The following LCP1 variants were observed in gnomAD, a reference collection of about 807,000 sequenced individuals.
LCP1 encodes the protein lymphocyte cytosolic protein 1, also known as plastin-2.
In LCP1, 23 loss-of-function variants were observed where a neutral mutation model predicts 72.0. The ratio of observed to expected loss-of-function variants is 0.32; its 90% CI spans 0.23 to 0.45. The LOEUF is 0.45. Ranked by LOEUF, LCP1 falls within the 20% of genes least tolerant of loss-of-function variation. The probability of loss-of-function intolerance (pLI) is 1.00; values close to 1 mark genes in which losing one functional copy is unlikely to be tolerated. For missense variants in LCP1, 571 were observed against 748.3 expected, an observed-to-expected ratio of 0.76 and a Z score of 2.76; for synonymous variants, 245 against 275.4, an observed-to-expected ratio of 0.89 and a Z score of 1.09.
At chr13:46,181,805 A>T (rs2045957292) in intron 1 of LCP1, among the ~76,000 whole-genome samples, 1 of 152,268 alleles carries the variant, frequency 6.6e-6, no homozygotes, top group Non-Finnish European at 1.5e-5. Flanking sequence ...AAATAGAGCA[A>T]TAGAAATAAA....
At chr13:46,142,104 C>A (rs1008120008) in intron 13 of LCP1, among the ~76,000 whole-genome samples, 188 bp downstream of exon 13, 1 of 150,432 alleles carries the variant, frequency 6.6e-6, no homozygotes. Context: ...CAGAGTTTCA[C>A]GATACTTGAA....
chr13:46,150,993 A>T lies in LCP1; in HGVS notation c.825T>A (p.Asn275Lys). ...TGCAGCCTGCATTTTCCAGGTGGTA[A>T]TTAGCCCACCTCAGCAAGAGCTCTT... ...SPEELLLRWA[N>K]YHLENAGCNK... Residue 275 changes from asparagine (N) to lysine (K), a missense_variant, in exon 8 of 16, where the codon AAT becomes AAA. Transcript: ENST00000323076. 6.2e-7 allele frequency: 1 copy of T among 1,613,918 alleles called. No individual in the cohort carries two copies. Among genetic ancestry groups the T allele is most frequent in the South Asian group, 1.1e-5 (1 of 91,072 alleles).
chr13:46,147,424 C>G (rs2045737671), intron 9 of LCP1, among the ~76,000 whole-genome samples: 2 of 152,102 alleles, frequency 1.3e-5, no homozygotes. Context: ...TAATTATTTC[C>G]AACCATTAAG....
chr13:46,154,686 A>C (rs2045789491), intron 6 of LCP1, 119 bp downstream of exon 6: 1 of 746,662 alleles, frequency 1.3e-6, no homozygotes. Flanking sequence ...ACAAGTCACC[A>C]GCCCAAAGCC....
intron 7 of LCP1, among the ~76,000 whole-genome samples, chr13:46,152,419 A>G (rs1188963542): frequency 6.6e-6 from 1 of 152,208 alleles, no homozygotes; most frequent in African/African-American, 2.4e-5. Flanking sequence ...TCACTATAGT[A>G]TATGAATGTG....
At chr13:46,172,705 T>G (rs541655827) in intron 1 of LCP1, among the ~76,000 whole-genome samples, 1 of 152,140 alleles carries the variant, frequency 6.6e-6, no homozygotes, top group Non-Finnish European at 1.5e-5. Context: ...CAGGCTATAC[T>G]CCACTCACCA....
At chr13:46,163,536 A>G (rs1253467843) in intron 1 of LCP1, among the ~76,000 whole-genome samples, 1 of 148,970 alleles carries the variant, frequency 6.7e-6, no homozygotes, top group Non-Finnish European at 1.5e-5. Context: ...AAAACCAGAC[A>G]CCTTTGTTCA....
chr13:46,175,734 A>G (rs576968411), intron 1 of LCP1, among the ~76,000 whole-genome samples: 35 of 152,326 alleles, frequency 2.3e-4, no homozygotes, highest in African/African-American at 7.2e-4. Flanking sequence ...AAAGTTTTCC[A>G]AGGTGCCTAC....
At chr13:46,159,508 AT>A in intron 2 of LCP1, 90 bp downstream of exon 2, 1 of 1,021,544 alleles carries the variant, frequency 9.8e-7, no homozygotes. Context: ...CATCTCTGAA[AT>A]TTTGCTCATG....
intron 1 of LCP1, 74 bp from the exon 2 acceptor site, chr13:46,159,760 C>G: frequency 1.2e-6 from 1 of 821,864 alleles, no homozygotes; most frequent in Non-Finnish European, 2.1e-6. Flanking sequence ...AGAAGCAATT[C>G]CCATTTATTA....
chr13:46,161,314 T>C (rs1268075017), intron 1 of LCP1, among the ~76,000 whole-genome samples: 2 of 152,250 alleles, frequency 1.3e-5, no homozygotes, highest in East Asian at 3.8e-4. Flanking sequence ...GAATTATATA[T>C]GTCTTCATTT....
At chr13:46,144,822 A>G (rs1199767779) in intron 10 of LCP1, among the ~76,000 whole-genome samples, 2 of 152,202 alleles carry the variant, frequency 1.3e-5, no homozygotes, top group Admixed American at 6.5e-5. Context: ...TTAGGCATCA[A>G]ACAGAGATCA....
intron 7 of LCP1, among the ~76,000 whole-genome samples, 197 bp from the exon 8 acceptor site, chr13:46,151,275 C>G (rs1192449272): frequency 6.6e-6 from 1 of 152,178 alleles, no homozygotes. Context: ...CCATTGTGAG[C>G]TTATTTATTA....
chr13:46,148,815 T>C, intron 8 of LCP1: 1 of 911,468 alleles, frequency 1.1e-6, no homozygotes, highest in Non-Finnish European at 1.3e-6. Flanking sequence ...TCAGCTAAGG[T>C]TTAATTAAAA....
chr13:46,132,743 A>C (rs538628312), intron 14 of LCP1, among the ~76,000 whole-genome samples: 2 of 152,266 alleles, frequency 1.3e-5, no homozygotes, highest in East Asian at 3.9e-4. Context: ...ACTGAACAGT[A>C]GGCTGGAGAT....
chr13:46,134,414 T>C (rs2045651728), intron 13 of LCP1, among the ~76,000 whole-genome samples, 164 bp from the exon 14 acceptor site: 1 of 152,156 alleles, frequency 6.6e-6, no homozygotes, highest in Non-Finnish European at 1.5e-5. Context: ...ATTAGTTCCT[T>C]TTAGAATAAC....
At chr13:46,131,732 T>C (rs1339141103) in intron 14 of LCP1, among the ~76,000 whole-genome samples, 1 of 152,166 alleles carries the variant, frequency 6.6e-6, no homozygotes, top group Non-Finnish European at 1.5e-5. Context: ...GAGGCCATTA[T>C]CCTAAGTGAA....
At chr13:46,154,697 T>C in intron 6 of LCP1, 108 bp downstream of exon 6, 1 of 842,094 alleles carries the variant, frequency 1.2e-6, no homozygotes, top group East Asian at 2.5e-5. Flanking sequence ...GCCCAAAGCC[T>C]GGGTTTTGCG....
intron 4 of LCP1, among the ~76,000 whole-genome samples, chr13:46,156,996 A>G (rs954495015): frequency 6.6e-6 from 1 of 151,292 alleles, no homozygotes; most frequent in Admixed American, 6.6e-5. Flanking sequence ...AATTTTTTGT[A>G]TTTTTAGTAG....
Sources: gnomAD v4.1 joint callset for allele counts (sites outside exome capture counted in the v4.1 genomes callset) on GRCh38, gnomAD v4.1.1 for gene constraint, MANE v1.5 for transcripts, NCBI Gene and HGNC (gene_info 2026-07-23, HGNC 2026-07-21) for gene names.